Variants in AOAH observed in about 807,000 individuals in gnomAD.
AOAH encodes the protein acyloxyacyl hydrolase, also known as acyloxyacyl hydrolase (neutrophil).
A neutral mutation model predicts 92.2 loss-of-function variants in AOAH; 64 were observed. The observed-to-expected ratio is 0.69, with a 90% CI of 0.57 to 0.86. The LOEUF (loss-of-function observed/expected upper bound fraction) is 0.86. Ranked by LOEUF, AOAH falls within the 40% of genes least tolerant of loss-of-function variation. The pLI, the probability that AOAH is intolerant of heterozygous loss-of-function variation, is 0.00. For synonymous variants in AOAH, 263 were observed against 254.5 expected, an observed-to-expected ratio of 1.03 and a Z score of -0.32; for missense variants, 656 against 694.6, an observed-to-expected ratio of 0.94 and a Z score of 0.62.
intron 11 of AOAH, among the ~76,000 whole-genome samples, chr7:36,611,584 T>C (rs1791461774): frequency 6.6e-6 from 1 of 152,196 alleles, no homozygotes. Context: ...CCCCTCTTTT[T>C]CCTGGAGAAT....
At chr7:36,621,830 T>A in intron 7 of AOAH, 50 bp from the exon 8 acceptor site, 1 of 1,550,480 alleles carries the variant, frequency 6.4e-7, no homozygotes, top group Non-Finnish European at 8.9e-7. Flanking sequence ...TTTGATGTTA[T>A]CCACGAGGAA....
chr7:36,707,516 T>C (rs1346496584), intron 1 of AOAH, among the ~76,000 whole-genome samples: 1 of 152,162 alleles, frequency 6.6e-6, no homozygotes. Context: ...AATAGACTTG[T>C]TTGGCATAGG....
At chr7:36,602,345 A>G (rs916228669) in intron 11 of AOAH, among the ~76,000 whole-genome samples, 2 of 152,106 alleles carry the variant, frequency 1.3e-5, no homozygotes, top group South Asian at 2.1e-4. Flanking sequence ...TATTTATTCA[A>G]TGAATGAGTC....
At chr7:36,530,905 T>A (rs894177954) in intron 18 of AOAH, among the ~76,000 whole-genome samples, 1 of 152,240 alleles carries the variant, frequency 6.6e-6, no homozygotes, top group African/African-American at 2.4e-5. Flanking sequence ...TTTGGCCCAG[T>A]AATTCTTCTA....
At chr7:36,699,413 A>T (rs1337142078) in intron 1 of AOAH, among the ~76,000 whole-genome samples, 1 of 152,086 alleles carries the variant, frequency 6.6e-6, no homozygotes, top group Admixed American at 6.6e-5. Context: ...ACTAATTTAC[A>T]TTCCCACCAA....
At chr7:36,549,382 C>T in intron 14 of AOAH, 57 bp downstream of exon 14, 1 of 1,321,576 alleles carries the variant, frequency 7.6e-7, no homozygotes, top group Non-Finnish European at 1.1e-6. Context: ...ACAGAGTTTT[C>T]ATTCCTTATT....
At chr7:36,536,681 G>T (rs186754725) in intron 16 of AOAH, among the ~76,000 whole-genome samples, 14 of 152,244 alleles carry the variant, frequency 9.2e-5, no homozygotes, top group African/African-American at 3.4e-4. Flanking sequence ...GGGAACGGTG[G>T]CTCATGCCTG....
intron 6 of AOAH, among the ~76,000 whole-genome samples, chr7:36,630,856 G>T (rs1793024449): frequency 6.6e-6 from 1 of 152,118 alleles, no homozygotes; most frequent in Admixed American, 6.6e-5. Flanking sequence ...GGTGTATCTT[G>T]GGTCCTCAGT....
In AOAH at chr7:36,627,677, C is replaced by T. The variant is rs180922535; in HGVS notation, c.521+4359G>A. The stretch of plus-strand genomic sequence containing the variant: ...CTCATCATGATTTGGTTTCTAGAGA[C>T]ATCCCCATCCCAATCCATGGCCCCT... On this transcript the variant is annotated intron_variant, in intron 6 of 20. Transcript: ENST00000617537. Among the ~76,000 whole-genome samples, 496 of 152,238 alleles carry T rather than the reference C, an allele frequency of 3.3e-3. 5 individuals carry two copies. Among genetic ancestry groups the T allele is most frequent in the African/African-American group, 0.011 (475 of 41,538 alleles).
intron 3 of AOAH, among the ~76,000 whole-genome samples, chr7:36,666,610 T>C (rs540044674): frequency 7.2e-5 from 11 of 152,156 alleles, no homozygotes; most frequent in Admixed American, 1.3e-4. Context: ...TGTGTTTACT[T>C]TGGATTTACT....
intron 13 of AOAH, among the ~76,000 whole-genome samples, chr7:36,567,017 G>T (rs1263043426): frequency 6.6e-6 from 1 of 152,030 alleles, no homozygotes; most frequent in Non-Finnish European, 1.5e-5. Flanking sequence ...TCACCATGTT[G>T]GCCAGGGTGG....
intron 20 of AOAH, chr7:36,514,645 A>T: frequency 8.0e-7 from 1 of 1,254,296 alleles, no homozygotes; most frequent in Non-Finnish European, 1.1e-6. Flanking sequence ...TGCAGACTCC[A>T]GATGGCTCCA....
At chr7:36,669,935 T>C (rs12672188) in intron 3 of AOAH, among the ~76,000 whole-genome samples, 76,352 of 151,996 alleles carry the variant, frequency 0.5, 19,752 homozygotes, top group South Asian at 0.65. Flanking sequence ...GAGAGAGCAA[T>C]GGCGGTCTGA....
intron 12 of AOAH, among the ~76,000 whole-genome samples, chr7:36,582,091 A>G (rs1055069012): frequency 6.6e-6 from 1 of 152,216 alleles, no homozygotes; most frequent in Admixed American, 6.5e-5. Context: ...CTAGGATGCT[A>G]TGCATAATGA....
chr7:36,717,065 T>C (rs1584189330), intron 1 of AOAH, among the ~76,000 whole-genome samples: 2 of 152,276 alleles, frequency 1.3e-5, no homozygotes, highest in East Asian at 1.9e-4. Context: ...AAATGGGACA[T>C]ACTGTTCAGT....
chr7:36,639,705 GT>G (rs1031259030), intron 4 of AOAH, among the ~76,000 whole-genome samples: 1 of 152,172 alleles, frequency 6.6e-6, no homozygotes, highest in African/African-American at 2.4e-5. Flanking sequence ...CTCAATCCAT[GT>G]TGTCTTGTTT....
chr7:36,594,514 C>T (rs1197558679), intron 11 of AOAH, 84 bp from the exon 12 acceptor site: 8 of 1,127,782 alleles, frequency 7.1e-6, no homozygotes, highest in Non-Finnish European at 1.1e-5. Flanking sequence ...CTGAGTGTTG[C>T]TCTCTGTGTG....
At chr7:36,575,257 A>T (rs1013802785) in intron 13 of AOAH, among the ~76,000 whole-genome samples, 1 of 152,196 alleles carries the variant, frequency 6.6e-6, no homozygotes, top group African/African-American at 2.4e-5. Flanking sequence ...ATCATAGCCC[A>T]ATGACTGTAT....
At chr7:36,660,962 T>C (rs1795185143) in intron 3 of AOAH, 2 of 152,240 alleles carry the variant, frequency 1.3e-5, no homozygotes, top group Non-Finnish European at 2.9e-5. Context: ...AAGCAAATTA[T>C]TGATTCAAAC....
Sources: allele counts gnomAD v4.1 joint callset (sites outside exome capture counted in the v4.1 genomes callset), GRCh38; gene constraint gnomAD v4.1.1; transcripts MANE v1.5; gene names NCBI Gene and HGNC (gene_info 2026-07-23, HGNC 2026-07-21).